The following MACROD2 variants were observed in gnomAD, a reference collection of about 807,000 sequenced individuals.
MACROD2 encodes the protein mono-ADP ribosylhydrolase 2, also known as ADP-ribose glycohydrolase MACROD2.
Under a neutral mutation model 70.4 loss-of-function variants are expected in MACROD2, and 36 were observed. That is an observed-to-expected ratio of 0.51 (90% CI 0.39 to 0.68). MACROD2 has a LOEUF of 0.68. Among genes scored for constraint, MACROD2 ranks in the 30% least tolerant of loss-of-function variants. The probability of loss-of-function intolerance (pLI) is 0.00; values close to 1 mark genes in which losing one functional copy is unlikely to be tolerated. For missense variants in MACROD2, 496 were observed against 538.4 expected (o/e 0.92, Z 0.78); for synonymous variants, 172 against 178.8 (o/e 0.96, Z 0.30).
chr20:15,058,813 T>C (rs1434404575), intron 5 of MACROD2, among the ~76,000 whole-genome samples: 1 of 152,174 alleles, frequency 6.6e-6, no homozygotes, highest in Non-Finnish European at 1.5e-5. Context: ...ATTTAGTACA[T>C]TAAAAAAATT....
At chr20:15,815,754 A>G (rs1271668682) in intron 8 of MACROD2, among the ~76,000 whole-genome samples, 1 of 152,140 alleles carries the variant, frequency 6.6e-6, no homozygotes, top group African/African-American at 2.4e-5. Context: ...TGACTTTTAG[A>G]CTTCTAGTCA....
At chr20:14,730,505 A>C (rs2071582302) in intron 5 of MACROD2, among the ~76,000 whole-genome samples, 1 of 152,168 alleles carries the variant, frequency 6.6e-6, no homozygotes, top group South Asian at 2.1e-4. Context: ...TGGGAACCAC[A>C]GCTGTCAAAA....
intron 7 of MACROD2, among the ~76,000 whole-genome samples, chr20:15,450,549 TG>T (rs1684053047): frequency 6.6e-6 from 1 of 152,174 alleles, no homozygotes; most frequent in African/African-American, 2.4e-5. Flanking sequence ...TGTGTATTTT[TG>T]TGTATGAATG....
chr20:14,842,763 A>T (rs2073100479), intron 5 of MACROD2, among the ~76,000 whole-genome samples: 1 of 152,098 alleles, frequency 6.6e-6, no homozygotes, highest in Non-Finnish European at 1.5e-5. Context: ...TTTCATTCAG[A>T]TATAGGAAAT....
intron 6 of MACROD2, among the ~76,000 whole-genome samples, chr20:15,289,352 G>A (rs2077521119): frequency 6.6e-6 from 1 of 152,154 alleles, no homozygotes; most frequent in African/African-American, 2.4e-5. Context: ...AAATTTTAGA[G>A]GGAAATAGTT....
chr20:14,668,091 C>T (rs968491566), intron 4 of MACROD2, among the ~76,000 whole-genome samples: 1 of 151,904 alleles, frequency 6.6e-6, no homozygotes, highest in Non-Finnish European at 1.5e-5. Flanking sequence ...GAGTTTGAGG[C>T]TGCAGTGAGC....
At chr20:15,872,341 T>C (rs1184736592) in intron 9 of MACROD2, among the ~76,000 whole-genome samples, 1 of 152,158 alleles carries the variant, frequency 6.6e-6, no homozygotes, top group Non-Finnish European at 1.5e-5. Context: ...GATTGGAAGA[T>C]AGAAGCTTGA....
chr20:13,995,651 T>C lies in MACROD2; in HGVS notation c.-113T>C. The C allele has an allele frequency of 2.1e-6, 2 of 935,548 alleles. No homozygotes were observed. The highest frequency in any genetic ancestry group is 2.2e-4 in the Middle Eastern group (1 of 4,580). 58.0% of individuals were successfully genotyped at this position (935,548 alleles called of 1,614,324 possible). A position where few individuals can be genotyped will look rare whatever the true frequency, so the allele number is the denominator to read the frequency against. On this transcript the variant is annotated 5_prime_UTR_variant, in exon 1 of 18. Coordinates refer to ENST00000684519, the MANE Select transcript of MACROD2 (RefSeq NM_001351661.2). The surrounding 1 kb of genome is among the most constrained non-coding windows in gnomAD (Gnocchi z 4.3). ...CGAGCAGCGCAGGACGCAGAGCCTC[T>C]TTCACTTTTTCCCTGCTGAGTGCCC...
intron 3 of MACROD2, among the ~76,000 whole-genome samples, chr20:14,308,131 G>A (rs1009668424): frequency 3.9e-5 from 6 of 152,062 alleles, no homozygotes; most frequent in East Asian, 1.9e-4. Context: ...TGCTGATTGC[G>A]GCAGCTTGCC....
chr20:15,706,214 C>T (rs910508344), intron 8 of MACROD2, among the ~76,000 whole-genome samples: 2 of 152,190 alleles, frequency 1.3e-5, no homozygotes, highest in Non-Finnish European at 2.9e-5. Context: ...GTTGCTAGAA[C>T]CCACATACAG....
rs1275848953 is a variant in MACROD2, at chr20:14,548,450, G to A, written c.301+54942G>A. Reference sequence around the variant, plus strand: ...AATACATTATCTGGCCGGGCGCGGTGGCTCACGCCTGTAATCCCAGCACTT... The same window carrying A: ...AATACATTATCTGGCCGGGCGCGGTAGCTCACGCCTGTAATCCCAGCACTT... On this transcript the variant is annotated intron_variant, in intron 4 of 17. Coordinates refer to ENST00000684519, the MANE Select transcript of MACROD2 (RefSeq NM_001351661.2). Among the ~76,000 whole-genome samples, 8 of 14,626 alleles carry A rather than the reference G, an allele frequency of 5.5e-4. 4 individuals are homozygous for A. The highest frequency in any genetic ancestry group is 1.1e-3 in the African/African-American group (8 of 7,190). 9.6% of individuals were successfully genotyped at this position (14,626 alleles called of 152,430 possible).
intron 15 of MACROD2, among the ~76,000 whole-genome samples, chr20:16,025,094 A>G (rs2067058781): frequency 1.3e-5 from 2 of 152,220 alleles, no homozygotes; most frequent in South Asian, 4.1e-4. Context: ...TGAACAAGAA[A>G]AGGATTAAGG....
At chr20:15,373,276 G>T (rs1381724528) in intron 6 of MACROD2, among the ~76,000 whole-genome samples, 1 of 152,082 alleles carries the variant, frequency 6.6e-6, no homozygotes, top group African/African-American at 2.4e-5. Flanking sequence ...TTCAGTGACT[G>T]TAGTTTTATA....
chr20:15,303,075 T>A (rs767101157), intron 6 of MACROD2, among the ~76,000 whole-genome samples: 1 of 152,212 alleles, frequency 6.6e-6, no homozygotes, highest in African/African-American at 2.4e-5. Flanking sequence ...TTTAAATTCC[T>A]TTTTCCTTAT....
intron 5 of MACROD2, among the ~76,000 whole-genome samples, chr20:14,802,573 AT>A (rs2072589930): frequency 6.6e-6 from 1 of 152,036 alleles, no homozygotes; most frequent in Non-Finnish European, 1.5e-5. Flanking sequence ...GAGTGTGCCT[AT>A]AAGTGTTAAT....
At chr20:15,151,048 C>T (rs1255180098) in intron 5 of MACROD2, among the ~76,000 whole-genome samples, 2 of 151,982 alleles carry the variant, frequency 1.3e-5, no homozygotes, top group African/African-American at 2.4e-5. Flanking sequence ...TCGGCGTCCA[C>T]GATGGTCTAC....
At chr20:15,950,407 G>A (rs563841630) in intron 12 of MACROD2, among the ~76,000 whole-genome samples, 53 of 152,202 alleles carry the variant, frequency 3.5e-4, no homozygotes, top group African/African-American at 1.3e-3. Context: ...TAACAGGAGT[G>A]GCCTCTGCCC....
intron 5 of MACROD2, among the ~76,000 whole-genome samples, chr20:15,147,041 G>A (rs1262338496): frequency 6.6e-6 from 1 of 152,046 alleles, no homozygotes; most frequent in Non-Finnish European, 1.5e-5. Flanking sequence ...CCCTTGATTG[G>A]CCTTATGTAA....
At chr20:15,970,786 G>A (rs1373520191) in intron 13 of MACROD2, among the ~76,000 whole-genome samples, 34 of 152,256 alleles carry the variant, frequency 2.2e-4, no homozygotes, top group Non-Finnish European at 5.9e-5. Context: ...AGTGATAACT[G>A]GAGCTTACAT....
Sources: gnomAD v4.1 joint callset for allele counts (sites outside exome capture counted in the v4.1 genomes callset) on GRCh38, gnomAD v4.1.1 for gene constraint, Gnocchi (gnomAD v3.1) non-coding constraint, MANE v1.5 for transcripts, NCBI Gene and HGNC (gene_info 2026-07-23, HGNC 2026-07-21) for gene names.